The following MCC variants were observed in gnomAD, a reference collection of about 807,000 sequenced individuals.
MCC encodes MCC regulator of Wnt signaling pathway.
A neutral mutation model predicts 116.2 loss-of-function variants in MCC; 90 were observed. The observed-to-expected ratio is 0.77, with a 90% CI of 0.65 to 0.92. The LOEUF (loss-of-function observed/expected upper bound fraction) is 0.92. Ranked by LOEUF, MCC falls within the 40% of genes least tolerant of loss-of-function variation. MCC has a pLI of 0.00. For synonymous variants in MCC, 578 were observed against 510.5 expected, an observed-to-expected ratio of 1.13 and a Z score of -1.78; for missense variants, 1,516 against 1,312.2, an observed-to-expected ratio of 1.16 and a Z score of -2.40.
At chr5:113,289,600 C>G (rs112079742) in intron 3 of MCC, among the ~76,000 whole-genome samples, 2,334 of 152,192 alleles carry the variant, frequency 0.015, 31 homozygotes, top group Non-Finnish European at 0.024. Flanking sequence ...TTCTCGGAAC[C>G]CAGCTGCCAT....
At chr5:113,238,695 A>G (rs1764241741) in intron 3 of MCC, among the ~76,000 whole-genome samples, 1 of 152,204 alleles carries the variant, frequency 6.6e-6, no homozygotes, top group South Asian at 2.1e-4. Context: ...ATCCTCCCAC[A>G]TGCCAATGGG....
intron 5 of MCC, among the ~76,000 whole-genome samples, chr5:113,126,437 A>T (rs1581115474): frequency 1.3e-5 from 2 of 152,354 alleles, no homozygotes; most frequent in East Asian, 3.9e-4. Flanking sequence ...CAATGAGACA[A>T]TATGTACTTG....
At chr5:113,367,415 G>T (rs1331761087) in intron 2 of MCC, among the ~76,000 whole-genome samples, 3 of 145,390 alleles carry the variant, frequency 2.1e-5, no homozygotes, top group Non-Finnish European at 4.6e-5. Context: ...TAGTGTGAAG[G>T]CTTTCTCCTG....
chr5:113,179,104 C>A (rs1398346407), intron 3 of MCC, among the ~76,000 whole-genome samples: 1 of 152,190 alleles, frequency 6.6e-6, no homozygotes, highest in African/African-American at 2.4e-5. Context: ...CTTACAGAGA[C>A]CCTTTAAGAA....
intron 6 of MCC, among the ~76,000 whole-genome samples, chr5:113,121,208 TC>T (rs1352138475): frequency 9.2e-5 from 14 of 152,210 alleles, no homozygotes; most frequent in Non-Finnish European, 1.9e-4. Flanking sequence ...CAAGCTAGCC[TC>T]CCCAACTCAT....
intron 1 of MCC, among the ~76,000 whole-genome samples, chr5:113,406,836 A>T (rs2150400947): frequency 6.6e-6 from 1 of 152,300 alleles, no homozygotes; most frequent in South Asian, 2.1e-4. Flanking sequence ...AACCTCAGTG[A>T]GGTTTGCGTG....
At chr5:113,087,030 A>C (rs1304266310) in intron 8 of MCC, among the ~76,000 whole-genome samples, 1 of 152,214 alleles carries the variant, frequency 6.6e-6, no homozygotes, top group Non-Finnish European at 1.5e-5. Context: ...AAAGCACTTT[A>C]ATCCCATAGA....
chr5:113,096,807 G>A (rs529402803), intron 8 of MCC, among the ~76,000 whole-genome samples: 174 of 152,234 alleles, frequency 1.1e-3, no homozygotes, highest in Non-Finnish European at 1.9e-3. Context: ...CTGAGATTTG[G>A]GGAGTGAACC....
chr5:113,082,156 AG>A (rs1246602342), intron 11 of MCC, among the ~76,000 whole-genome samples: 1 of 152,264 alleles, frequency 6.6e-6, no homozygotes, highest in Admixed American at 6.5e-5. Flanking sequence ...AACAGGCAAA[AG>A]GGCAAACTGA....
At chr5:113,307,973 C>G (rs1415971620) in intron 3 of MCC, among the ~76,000 whole-genome samples, 1 of 151,624 alleles carries the variant, frequency 6.6e-6, no homozygotes, top group African/African-American at 2.4e-5. Flanking sequence ...CTGTCTAAAT[C>G]CTTTTTTTTT....
chr5:113,336,229 A>G (rs1335396162), intron 3 of MCC, among the ~76,000 whole-genome samples: 1 of 151,640 alleles, frequency 6.6e-6, no homozygotes, highest in South Asian at 2.1e-4. Context: ...TACTGTTATA[A>G]TGGCAAAAAA....
chr5:113,092,405 C>T (rs951462038), intron 8 of MCC, among the ~76,000 whole-genome samples: 2 of 152,174 alleles, frequency 1.3e-5, no homozygotes, highest in Non-Finnish European at 2.9e-5. Flanking sequence ...AGAGATGCAG[C>T]CTTGCCGACA....
At chr5:113,088,428 T>C (rs1384318186) in intron 8 of MCC, among the ~76,000 whole-genome samples, 4 of 151,440 alleles carry the variant, frequency 2.6e-5, no homozygotes, top group African/African-American at 7.3e-5. Flanking sequence ...AAAAGATATG[T>C]CCAAATTTGA....
intron 3 of MCC, among the ~76,000 whole-genome samples, chr5:113,172,034 G>T (rs1761098774): frequency 6.6e-6 from 1 of 152,192 alleles, no homozygotes. Flanking sequence ...AGGGGGAAAA[G>T]AACTGTTATG....
chr5:113,202,399 T>C (rs1041081594), intron 3 of MCC, among the ~76,000 whole-genome samples: 1 of 152,176 alleles, frequency 6.6e-6, no homozygotes, highest in Non-Finnish European at 1.5e-5. Context: ...ACTGATAACC[T>C]ACACTGGGGT....
At chr5:113,041,701 CTCA>C (rs1184653198) in intron 17 of MCC, among the ~76,000 whole-genome samples, 1 of 152,096 alleles carries the variant, frequency 6.6e-6, no homozygotes, top group Non-Finnish European at 1.5e-5. Flanking sequence ...AAGCAGGACT[CTCA>C]AATGGGATGG....
At chr5:113,445,542 G>A (rs1187791308) in intron 1 of MCC, among the ~76,000 whole-genome samples, 1 of 152,024 alleles carries the variant, frequency 6.6e-6, no homozygotes, top group East Asian at 1.9e-4. Context: ...TAACCAAGAA[G>A]ATGAAAGATC....
chr5:113,433,887 G>A (rs757711235), intron 1 of MCC: 8 of 1,614,054 alleles, frequency 5.0e-6, no homozygotes, highest in Admixed American at 3.3e-5. Flanking sequence ...CTGGGGCTGT[G>A]CCTCTCCCTC....
At chr5:113,038,657 G>A (rs1036900612) in intron 17 of MCC, among the ~76,000 whole-genome samples, 11 of 152,100 alleles carry the variant, frequency 7.2e-5, no homozygotes, top group Admixed American at 2.0e-4. Context: ...CCCCAGAGGC[G>A]CAGAAGAGGA....
Sources: allele counts gnomAD v4.1 joint callset (sites outside exome capture counted in the v4.1 genomes callset), GRCh38; gene constraint gnomAD v4.1.1; transcripts MANE v1.5; gene names NCBI Gene and HGNC (gene_info 2026-07-23, HGNC 2026-07-21).